The following ZFX variants were observed in gnomAD, a reference collection of about 807,000 sequenced individuals.
The protein encoded by ZFX is zinc finger protein X-linked, also known as zinc finger X-chromosomal protein.
For missense variants in ZFX, 362 were observed against 628.3 expected (o/e 0.58, Z 4.53); for synonymous variants, 196 against 226.8 (o/e 0.86, Z 1.22).
chrX:24,215,034 C>T lies in ZFX; in HGVS notation c.*3658C>T, dbSNP rs1674570723. On this transcript the variant is annotated 3_prime_UTR_variant, in exon 10 of 10. Transcript: ENST00000304543. The stretch of plus-strand genomic sequence containing the variant: ...TTATAGACAAGATTCTGCAGTTCTT[C>T]CAACTGTATGAACAAACGTTTGCCT... 1 of 111,796 alleles carries T rather than the reference C, an allele frequency of 8.9e-6. No individual in the cohort carries two copies. Among genetic ancestry groups the T allele is most frequent in the African/African-American group, 3.3e-5 (1 of 30,752 alleles). The allele number at this position is 111,796 out of a possible 1,213,427, so 9.2% of individuals were successfully genotyped here.
At chrX:24,164,637 T>G (rs1364198619) in intron 3 of ZFX, among the ~76,000 whole-genome samples, 1 of 111,421 alleles carries the variant, frequency 9.0e-6, no homozygotes, top group Non-Finnish European at 1.9e-5. Context: ...GATCATAGTT[T>G]AAGAATATTT....
chrX:24,210,928 C>T lies in ZFX; in HGVS notation c.1970C>T (p.Thr657Met), dbSNP rs1196366905. Residue 657 changes from threonine (T) to methionine (M), a missense_variant, in exon 10 of 10, where the codon ACG becomes ATG. Physicochemically the swap from Thr to Met is moderately conservative, Grantham distance 81. Coordinates refer to ENST00000304543, the MANE Select transcript of ZFX (RefSeq NM_003410.4). ...AAACGACACATAATTTCAGTTCACACGAAAGACTACCCCCATAAGTGTGAC... is the reference window on the plus strand; with the variant it reads ...AAACGACACATAATTTCAGTTCACATGAAAGACTACCCCCATAAGTGTGAC... ...DLKRHIISVHTKDYPHKCDMC... is the reference protein window; with the variant it reads ...DLKRHIISVHMKDYPHKCDMC... 1 of 1,211,453 alleles carries T rather than the reference C, an allele frequency of 8.3e-7. No homozygotes were observed. The highest frequency in any genetic ancestry group is 1.1e-6 in the Non-Finnish European group (1 of 895,461).
chrX:24,215,852 G>T lies in ZFX; in HGVS notation c.*4476G>T, dbSNP rs1399727910. The T allele has an allele frequency of 9.1e-6, 1 of 110,384 alleles. No homozygotes were observed. The highest frequency in any genetic ancestry group is 1.9e-5 in the Non-Finnish European group (1 of 52,774). The allele number at this position is 110,384 out of a possible 1,213,427, so 9.1% of individuals were successfully genotyped here. On this transcript the variant is annotated 3_prime_UTR_variant, in exon 10 of 10. Coordinates refer to ENST00000304543, the MANE Select transcript of ZFX (RefSeq NM_003410.4). ...AGAAGGGTTGAAAAAGATTGTGTGT[G>T]TGTGTGTGTGTGTTTAATTGGCCCA...
chrX:24,156,821 A>G (rs189575598), intron 3 of ZFX, among the ~76,000 whole-genome samples: 2,151 of 109,708 alleles, frequency 0.02, 53 homozygotes, highest in African/African-American at 0.068. Flanking sequence ...CGCCCGGCTA[A>G]TTTTTTGTAT....
chrX:24,197,573 C>CA (rs1937006180), intron 5 of ZFX, among the ~76,000 whole-genome samples: 1 of 111,910 alleles, frequency 8.9e-6, no homozygotes, highest in South Asian at 3.7e-4. Flanking sequence ...ATAAAGGATA[C>CA]AAACACACAT....
chrX:24,203,158 TTCG>T (rs1278001791), intron 5 of ZFX, among the ~76,000 whole-genome samples: 1 of 112,018 alleles, frequency 8.9e-6, no homozygotes, highest in Non-Finnish European at 1.9e-5. Flanking sequence ...CCTTGGCTTC[TTCG>T]TCATGTTGGG....
intron 4 of ZFX, among the ~76,000 whole-genome samples, chrX:24,176,281 C>T (rs963797081): frequency 5.5e-5 from 6 of 109,078 alleles, no homozygotes; most frequent in Non-Finnish European, 1.1e-4. Flanking sequence ...TCAGGTGATT[C>T]GCCTGCCTTG....
intron 3 of ZFX, among the ~76,000 whole-genome samples, chrX:24,163,831 T>TAAAA (rs199942005): frequency 3.1e-5 from 2 of 65,283 alleles, no homozygotes; most frequent in Admixed American, 1.8e-4. Context: ...CCCCCTCTTT[T>TAAAA]AAAAAAAAGA....
intron 3 of ZFX, among the ~76,000 whole-genome samples, chrX:24,161,329 C>T (rs1933281716): frequency 8.9e-6 from 1 of 112,181 alleles, no homozygotes; most frequent in African/African-American, 3.2e-5. Flanking sequence ...TCAGTGCAAT[C>T]GCAATAAATA....
intron 3 of ZFX, among the ~76,000 whole-genome samples, chrX:24,154,187 T>G (rs1204480327): frequency 8.9e-6 from 1 of 112,364 alleles, no homozygotes; most frequent in African/African-American, 3.2e-5. Context: ...ATTTTTAAAT[T>G]ACTGAAAATC....
At chrX:24,187,949 G>A (rs1936259155) in intron 5 of ZFX, among the ~76,000 whole-genome samples, 1 of 111,401 alleles carries the variant, frequency 9.0e-6, no homozygotes, top group South Asian at 3.8e-4. Flanking sequence ...CGAGGCAGGC[G>A]GATCACGAGG....
intron 3 of ZFX, among the ~76,000 whole-genome samples, chrX:24,172,113 T>C (rs767916660): frequency 4.5e-5 from 5 of 111,974 alleles, no homozygotes; most frequent in Non-Finnish European, 1.9e-5. Flanking sequence ...CTTCTCTAGA[T>C]GAGAGGGTTA....
At chrX:24,204,133 T>A (rs1443218681) in intron 5 of ZFX, among the ~76,000 whole-genome samples, 2 of 111,996 alleles carry the variant, frequency 1.8e-5, no homozygotes, top group Non-Finnish European at 3.8e-5. Flanking sequence ...ACCCAGAGTT[T>A]GGGAATCTTG....
intron 3 of ZFX, among the ~76,000 whole-genome samples, chrX:24,164,254 T>A (rs1381205458): frequency 9.0e-6 from 1 of 111,544 alleles, no homozygotes; most frequent in East Asian, 2.8e-4. Flanking sequence ...CCCAGCTTGT[T>A]CTTTTCTTTT....
chrX:24,166,394 C>T (rs1228057589), intron 3 of ZFX, among the ~76,000 whole-genome samples: 7 of 112,428 alleles, frequency 6.2e-5, no homozygotes, highest in African/African-American at 2.3e-4. Context: ...GGATGGGGCT[C>T]TATTTACAAC....
rs1439289746 is a variant in ZFX at position 24,213,666 on chromosome X, C to A, written c.*2290C>A. On this transcript the variant is annotated 3_prime_UTR_variant, in exon 10 of 10. Coordinates refer to ENST00000304543, the MANE Select transcript of ZFX (RefSeq NM_003410.4). ...TAGGAAATTCCTGTACCTTCTTGGC[C>A]CCCATAATGTGTTTTTTTTTTTTTT... 3 of 99,867 alleles carry A rather than the reference C, an allele frequency of 3.0e-5. No individual in the cohort carries two copies. Among genetic ancestry groups the A allele is most frequent in the Non-Finnish European group, 6.0e-5 (3 of 50,048 alleles). The allele number at this position is 99,867 out of a possible 1,213,427, so 8.2% of individuals were successfully genotyped here.
intron 7 of ZFX, 106 bp from the exon 8 acceptor site, chrX:24,208,112 T>C: frequency 9.7e-7 from 1 of 1,031,095 alleles, no homozygotes; most frequent in Non-Finnish European, 1.3e-6. Flanking sequence ...GTATGTAATA[T>C]TTGGACCATC....
intron 4 of ZFX, among the ~76,000 whole-genome samples, chrX:24,174,508 C>G (rs771652174): frequency 9.4e-6 from 1 of 106,916 alleles, no homozygotes; most frequent in East Asian, 3.0e-4. Context: ...ATTCTCCTAC[C>G]TCAGCCTCCC....
intron 5 of ZFX, among the ~76,000 whole-genome samples, chrX:24,197,247 A>G (rs1936983667): frequency 8.9e-6 from 1 of 111,738 alleles, no homozygotes; most frequent in Non-Finnish European, 1.9e-5. Flanking sequence ...AAGTGGAAGG[A>G]TTGCTTGAGG....
Sources: gnomAD v4.1 joint callset for allele counts (sites outside exome capture counted in the v4.1 genomes callset) on GRCh38, gnomAD v4.1.1 for gene constraint, MANE v1.5 for transcripts, NCBI Gene and HGNC (gene_info 2026-07-23, HGNC 2026-07-21) for gene names.